The following SPIDR variants were observed in gnomAD, a reference collection of about 807,000 sequenced individuals.
SPIDR encodes the protein scaffold protein involved in DNA repair, also known as DNA repair-scaffolding protein.
A neutral mutation model predicts 104.6 loss-of-function variants in SPIDR; 93 were observed. The ratio of observed to expected loss-of-function variants is 0.89; its 90% CI spans 0.75 to 1.06. The LOEUF is 1.06. Ranked by LOEUF, SPIDR falls within the 50% of genes least tolerant of loss-of-function variation. The pLI is 0.00. For synonymous variants in SPIDR, 431 were observed against 416.9 expected (o/e 1.03, Z -0.41); for missense variants, 1,154 against 1,111.2 (o/e 1.04, Z -0.55).
At position 47,511,424 on chromosome 8, in the gene SPIDR, C is replaced by T. The variant is rs915732296; in HGVS notation, c.1097+70882C>T. 26 of 807,430 alleles carry T rather than the reference C, an allele frequency of 3.2e-5. No individual in the cohort carries two copies. In the Middle Eastern group the frequency reaches 8.9e-4, roughly 28 times the overall value. The allele number at this position is 807,430 out of a possible 1,614,324, so 50.0% of individuals were successfully genotyped here. On this transcript the variant is annotated intron_variant, in intron 8 of 19. Transcript: ENST00000297423. ...GCTTATTTGGACTTCATAAAGTCCT[C>T]GTCCTGATGTTCCTCCATATCCAAG...
intron 11 of SPIDR, among the ~76,000 whole-genome samples, chr8:47,688,016 A>AGTTGT (rs1554578541): frequency 6.9e-6 from 1 of 145,762 alleles, no homozygotes; most frequent in East Asian, 2.0e-4. Flanking sequence ...AAAAAAAAAA[A>AGTTGT]GTGTGTGTGT....
chr8:47,400,788 C>A (rs782715506), intron 6 of SPIDR, among the ~76,000 whole-genome samples: 23 of 150,490 alleles, frequency 1.5e-4, no homozygotes, highest in Non-Finnish European at 3.1e-4. Flanking sequence ...CTATATATAT[C>A]TCCCCAGTTT....
At chr8:47,329,314 G>A (rs1440786870) in intron 5 of SPIDR, among the ~76,000 whole-genome samples, 6 of 151,436 alleles carry the variant, frequency 4.0e-5, no homozygotes, top group African/African-American at 7.3e-5. Context: ...CTCATGATCC[G>A]CCCGCCTCAG....
At chr8:47,729,500 A>G (rs1275180049) in intron 19 of SPIDR, 35 bp downstream of exon 19, 1 of 1,573,638 alleles carries the variant, frequency 6.4e-7, no homozygotes. Flanking sequence ...GGGGCCGCAC[A>G]CTCAGTAGCC....
At chr8:47,479,350 C>T (rs2076627568) in intron 8 of SPIDR, among the ~76,000 whole-genome samples, 2 of 147,542 alleles carry the variant, frequency 1.4e-5, no homozygotes, top group Non-Finnish European at 3.0e-5. Context: ...CAGAGTGAGA[C>T]TCTCTCAAAA....
chr8:47,330,384 T>A (rs1452698868), intron 5 of SPIDR, among the ~76,000 whole-genome samples: 1 of 152,162 alleles, frequency 6.6e-6, no homozygotes, highest in African/African-American at 2.4e-5. Context: ...AAGTCACTAG[T>A]TTCTATCAGG....
At chr8:47,581,901 T>A (rs2059742282) in intron 8 of SPIDR, among the ~76,000 whole-genome samples, 1 of 152,086 alleles carries the variant, frequency 6.6e-6, no homozygotes, top group Non-Finnish European at 1.5e-5. Flanking sequence ...AACAAGCAAA[T>A]CGATCCTAAT....
At position 47,702,014 on chromosome 8, in the gene SPIDR, A is replaced by G; in HGVS notation, c.1976A>G (p.Gln659Arg). Reference protein sequence around the residue: ...FYATVIYQKPQLKSLLLLEQR... With the variant: ...FYATVIYQKPRLKSLLLLEQR... ...GCCACGGTGATTTACCAAAAACCAC[A>G]GGTAATAATCTCTCTCAATCTCTCA... Residue 659 changes from glutamine to arginine, a missense_variant and splice_region_variant, in exon 14 of 20, where the codon CAG becomes CGG. By Grantham distance (43) the Gln-to-Arg change is conservative. Coordinates refer to ENST00000297423, the MANE Select transcript of SPIDR (RefSeq NM_001080394.4). 6.2e-7 allele frequency: 1 copy of G among 1,611,922 alleles called. No homozygotes were observed. Among genetic ancestry groups the G allele is most frequent in the Non-Finnish European group, 8.5e-7 (1 of 1,178,974 alleles).
At chr8:47,280,236 TTTTATTTA>T (rs1308444625) in intron 2 of SPIDR, among the ~76,000 whole-genome samples, 1 of 151,288 alleles carries the variant, frequency 6.6e-6, no homozygotes, top group African/African-American at 2.4e-5. Context: ...TTTTTTTTTA[TTTTATTTA>T]TTTATTTATT....
rs763952915 is a variant in SPIDR at position 47,712,651 on chromosome 8, T to C, written c.1978-11T>C. 6.2e-7 allele frequency: 1 copy of C among 1,611,062 alleles called. No individual in the cohort carries two copies. Among genetic ancestry groups the C allele is most frequent in the Non-Finnish European group, 8.5e-7 (1 of 1,178,434 alleles). The stretch of plus-strand genomic sequence containing the variant: ...ATAATAATTAATCTTTATTGTGTCT[T>C]CAAATTGTAGCTGAAGAGTCTGCTG... On this transcript the variant is annotated splice_polypyrimidine_tract_variant and intron_variant, in intron 14 of 19. Transcript: ENST00000297423.
At position 47,556,356 on chromosome 8, in the gene SPIDR, A is replaced by G. The variant is rs1266439587; in HGVS notation, c.1098-39455A>G. 2.0e-5 allele frequency among the ~76,000 whole-genome samples: 3 copies of G among 151,918 alleles called. No individual in the cohort carries two copies. In the East Asian group the frequency reaches 5.8e-4, roughly 29 times the overall value. ...TCCTTCCATTCATTGGCTTCATTCTACTCTAGAGACACTGGGTTTAATCTG... is the reference window on the plus strand; with the variant it reads ...TCCTTCCATTCATTGGCTTCATTCTGCTCTAGAGACACTGGGTTTAATCTG... On this transcript the variant is annotated intron_variant, in intron 8 of 19. Coordinates refer to ENST00000297423, the MANE Select transcript of SPIDR (RefSeq NM_001080394.4).
chr8:47,589,708 A>G (rs927053267), intron 8 of SPIDR, among the ~76,000 whole-genome samples: 1 of 152,156 alleles, frequency 6.6e-6, no homozygotes, highest in Non-Finnish European at 1.5e-5. Context: ...GCCTTGTGAT[A>G]TGTACAGGGC....
At chr8:47,430,547 A>G (rs1180477027) in intron 7 of SPIDR, among the ~76,000 whole-genome samples, 2 of 152,194 alleles carry the variant, frequency 1.3e-5, no homozygotes, top group Non-Finnish European at 2.9e-5. Context: ...TCTCTGTGCT[A>G]CAGAGATTCA....
At chr8:47,343,195 T>C (rs186787139) in intron 5 of SPIDR, among the ~76,000 whole-genome samples, 8 of 152,270 alleles carry the variant, frequency 5.3e-5, no homozygotes, top group Admixed American at 1.3e-4. Flanking sequence ...AAAATCTGAT[T>C]GACAGTATTA....
chr8:47,364,020 A>T (rs782089773), intron 5 of SPIDR, among the ~76,000 whole-genome samples: 17 of 152,164 alleles, frequency 1.1e-4, no homozygotes, highest in Non-Finnish European at 2.1e-4. Flanking sequence ...TTCTAAATAC[A>T]CTTGGATCAT....
chr8:47,524,878 A>G (rs1476591622), intron 8 of SPIDR, among the ~76,000 whole-genome samples: 2 of 152,222 alleles, frequency 1.3e-5, no homozygotes, highest in African/African-American at 2.4e-5. Context: ...GGGAATTAAG[A>G]TATCTCCTGC....
chr8:47,651,290 G>T (rs2071573544), intron 10 of SPIDR, among the ~76,000 whole-genome samples: 1 of 152,102 alleles, frequency 6.6e-6, no homozygotes, highest in African/African-American at 2.4e-5. Flanking sequence ...GTAGGCAAAT[G>T]ACATGAATAG....
chr8:47,341,489 A>G (rs1344147344), intron 5 of SPIDR, among the ~76,000 whole-genome samples: 3 of 152,206 alleles, frequency 2.0e-5, no homozygotes, highest in African/African-American at 7.2e-5. Context: ...AGTATTCCAC[A>G]CATTTAAATT....
At chr8:47,277,338 ATGTTATGTTATGTTATGTTAT>A (rs2036692037) in intron 1 of SPIDR, among the ~76,000 whole-genome samples, 1 of 143,516 alleles carries the variant, frequency 7.0e-6, no homozygotes, top group African/African-American at 2.5e-5. Flanking sequence ...ATGTTATGTT[ATGTTATGTTATGTTATGTTAT>A]GTTATGTTAT....
Sources: allele counts gnomAD v4.1 joint callset (sites outside exome capture counted in the v4.1 genomes callset), GRCh38; gene constraint gnomAD v4.1.1; transcripts MANE v1.5; gene names NCBI Gene and HGNC (gene_info 2026-07-23, HGNC 2026-07-21).